The following OSMR variants were observed in gnomAD, a reference collection of about 807,000 sequenced individuals.
OSMR encodes the protein oncostatin M receptor.
A neutral mutation model predicts 99.9 loss-of-function variants in OSMR; 81 were observed. The observed-to-expected ratio is 0.81, with a 90% CI of 0.68 to 0.97. OSMR has a LOEUF of 0.97. Among genes scored for constraint, OSMR ranks in the 50% least tolerant of loss-of-function variants. The probability of loss-of-function intolerance (pLI) is 0.00; values close to 1 mark genes in which losing one functional copy is unlikely to be tolerated. For synonymous variants in OSMR, 406 were observed against 410.4 expected, an observed-to-expected ratio of 0.99 and a Z score of 0.13; for missense variants, 1,099 against 1,153.4, an observed-to-expected ratio of 0.95 and a Z score of 0.68.
At chr5:38,896,164 G>GT (rs1275096012) in intron 7 of OSMR, among the ~76,000 whole-genome samples, 3 of 151,880 alleles carry the variant, frequency 2.0e-5, no homozygotes, top group Non-Finnish European at 2.9e-5. Flanking sequence ...TTTTAGGATT[G>GT]TTTTTTCTAT....
intron 1 of OSMR, among the ~76,000 whole-genome samples, chr5:38,855,227 G>A (rs1302769600): frequency 2.0e-5 from 3 of 152,166 alleles, no homozygotes; most frequent in Non-Finnish European, 2.9e-5. Flanking sequence ...CCAGAGCTTC[G>A]TGCGCTGACC....
intron 1 of OSMR, among the ~76,000 whole-genome samples, chr5:38,848,692 T>G (rs1740085360): frequency 6.6e-6 from 1 of 152,342 alleles, no homozygotes; most frequent in South Asian, 2.1e-4. Flanking sequence ...CTATACTTAT[T>G]GTACAGCTTG....
intron 1 of OSMR, among the ~76,000 whole-genome samples, chr5:38,856,560 A>G (rs967696): frequency 0.29 from 43,951 of 152,150 alleles, 6,530 homozygotes; most frequent in South Asian, 0.45. Flanking sequence ...GAATCTGAGC[A>G]CAAAAGCTAA....
At chr5:38,899,854 A>G (rs1316114447) in intron 7 of OSMR, among the ~76,000 whole-genome samples, 1 of 152,152 alleles carries the variant, frequency 6.6e-6, no homozygotes, top group Non-Finnish European at 1.5e-5. Context: ...TTTTGGAGCC[A>G]TGAGCTGTGC....
intron 1 of OSMR, among the ~76,000 whole-genome samples, chr5:38,868,495 C>G (rs971993205): frequency 1.3e-5 from 2 of 152,130 alleles, no homozygotes; most frequent in African/African-American, 2.4e-5. Flanking sequence ...GTGCTATTCT[C>G]GTGATAGTTA....
chr5:38,942,729 T>C, intron 1 of OSMR: 1 of 907,676 alleles, frequency 1.1e-6, no homozygotes, highest in Non-Finnish European at 1.7e-6. Context: ...GTGCTGGGAT[T>C]GTAGGCATGA....
chr5:38,858,050 TAA>T (rs1740992661), intron 1 of OSMR, among the ~76,000 whole-genome samples: 1 of 152,232 alleles, frequency 6.6e-6, no homozygotes, highest in Non-Finnish European at 1.5e-5. Context: ...GGTACATGCA[TAA>T]AATGCGTAGT....
At chr5:38,889,016 A>C (rs1055647022) in intron 7 of OSMR, among the ~76,000 whole-genome samples, 2 of 152,070 alleles carry the variant, frequency 1.3e-5, no homozygotes, top group African/African-American at 4.8e-5. Context: ...GACATACAGC[A>C]AGGCTGATGA....
At chr5:38,914,810 C>A (rs1745803803) in intron 9 of OSMR, among the ~76,000 whole-genome samples, 1 of 151,980 alleles carries the variant, frequency 6.6e-6, no homozygotes, top group Non-Finnish European at 1.5e-5. Context: ...AAGATAGAAA[C>A]AATAGACACT....
At chr5:38,940,887 C>T (rs1206001109) in intron 1 of OSMR, 2 of 232,172 alleles carry the variant, frequency 8.6e-6, no homozygotes, top group African/African-American at 2.2e-5. Flanking sequence ...ATTAATGTTG[C>T]TATGACTGTG....
At chr5:38,916,422 A>C (rs1347412487) in intron 9 of OSMR, among the ~76,000 whole-genome samples, 1 of 152,232 alleles carries the variant, frequency 6.6e-6, no homozygotes. Flanking sequence ...TTGAGAAATT[A>C]ACTTACTCTC....
rs868579897 is a variant in OSMR at position 38,919,237 on chromosome 5, C to T, written c.1585+175C>T. On this transcript the variant is annotated intron_variant, in intron 11 of 17. Coordinates refer to ENST00000274276, the MANE Select transcript of OSMR (RefSeq NM_003999.3). ...TCAACGTGTTTCAGTGGGACAGTCC[C>T]CTCAGTGTGGGGAGAAGGAGACTTC... 3 of 1,525,262 alleles carry T rather than the reference C, an allele frequency of 2.0e-6. No homozygotes were observed. The Middle Eastern group carries it at 5.1e-4, about 257-fold the overall frequency. 94.5% of individuals were successfully genotyped at this position (1,525,262 alleles called of 1,614,324 possible).
At chr5:38,868,324 C>G (rs1041830812) in intron 1 of OSMR, among the ~76,000 whole-genome samples, 1 of 152,198 alleles carries the variant, frequency 6.6e-6, no homozygotes, top group African/African-American at 2.4e-5. Flanking sequence ...GTGGCCCTCT[C>G]TGTTTCATGT....
intron 9 of OSMR, among the ~76,000 whole-genome samples, chr5:38,905,348 G>T (rs532739702): frequency 6.6e-6 from 1 of 152,164 alleles, no homozygotes; most frequent in African/African-American, 2.4e-5. Context: ...AATTAGCCAG[G>T]CGTGGTGGCA....
chr5:38,897,144 TCAGGGTAATA>T (rs560727136), intron 7 of OSMR, among the ~76,000 whole-genome samples: 2 of 152,258 alleles, frequency 1.3e-5, no homozygotes, highest in East Asian at 3.9e-4. Flanking sequence ...GGTTTTGGTA[TCAGGGTAATA>T]CTGGCCTAGT....
intron 5 of OSMR, among the ~76,000 whole-genome samples, chr5:38,884,937 C>T (rs1013918888): frequency 3.9e-5 from 6 of 152,116 alleles, no homozygotes; most frequent in African/African-American, 1.2e-4. Context: ...AGGTGCTTTG[C>T]CATTCCCTGA....
chr5:38,870,330 C>CTTTTTTT (rs374861159), intron 2 of OSMR, among the ~76,000 whole-genome samples: 1 of 115,132 alleles, frequency 8.7e-6, no homozygotes, highest in Non-Finnish European at 1.7e-5. Flanking sequence ...GAATGATTTT[C>CTTTTTTT]TTTTTTTTTT....
At chr5:38,863,124 G>C (rs1021072656) in intron 1 of OSMR, among the ~76,000 whole-genome samples, 2 of 146,726 alleles carry the variant, frequency 1.4e-5, no homozygotes, top group African/African-American at 5.0e-5. Context: ...GTACAGTCCA[G>C]CTTCGGCTCG....
At chr5:38,905,004 G>A (rs1366768259) in intron 9 of OSMR, among the ~76,000 whole-genome samples, 1 of 152,156 alleles carries the variant, frequency 6.6e-6, no homozygotes, top group East Asian at 1.9e-4. Context: ...AGTATTGACT[G>A]CAAACTTTTC....
Sources: allele counts gnomAD v4.1 joint callset (sites outside exome capture counted in the v4.1 genomes callset), GRCh38; gene constraint gnomAD v4.1.1; transcripts MANE v1.5; gene names NCBI Gene and HGNC (gene_info 2026-07-23, HGNC 2026-07-21).